The following ST8SIA5 variants were observed in gnomAD, a reference collection of about 807,000 sequenced individuals.
ST8SIA5 encodes alpha-2,8-sialyltransferase 8E.
Under a neutral mutation model 40.2 loss-of-function variants are expected in ST8SIA5, and 24 were observed. The ratio of observed to expected loss-of-function variants is 0.60; its 90% CI spans 0.43 to 0.84. The LOEUF is 0.84. Ranked by LOEUF, ST8SIA5 falls within the 40% of genes least tolerant of loss-of-function variation. ST8SIA5 has a pLI of 0.00. For missense variants in ST8SIA5, 465 were observed against 498.5 expected, an observed-to-expected ratio of 0.93 and a Z score of 0.64; for synonymous variants, 198 against 201.8, an observed-to-expected ratio of 0.98 and a Z score of 0.16.
At chr18:46,749,837 G>A (rs974457673) in intron 1 of ST8SIA5, among the ~76,000 whole-genome samples, 24 of 152,190 alleles carry the variant, frequency 1.6e-4, no homozygotes, top group South Asian at 2.1e-4. Context: ...TGGAGGCTTG[G>A]GGGGATGATT....
chr18:46,696,982 T>TA (rs2144489317), intron 2 of ST8SIA5, among the ~76,000 whole-genome samples: 1 of 151,962 alleles, frequency 6.6e-6, no homozygotes, highest in East Asian at 1.9e-4. Context: ...AGCATGGCCC[T>TA]AAAAATGAGA....
At chr18:46,711,787 G>A (rs2039735352) in intron 1 of ST8SIA5, among the ~76,000 whole-genome samples, 1 of 152,212 alleles carries the variant, frequency 6.6e-6, no homozygotes, top group Non-Finnish European at 1.5e-5. Context: ...CATGGCAGTG[G>A]AGAGCCCCGG....
At chr18:46,689,157 A>G (rs1475980148) in intron 3 of ST8SIA5, among the ~76,000 whole-genome samples, 1 of 151,656 alleles carries the variant, frequency 6.6e-6, no homozygotes, top group Admixed American at 6.6e-5. Flanking sequence ...CTTGCCCCCA[A>G]CCTACACCTC....
At chr18:46,692,017 TC>T in intron 3 of ST8SIA5, 151 bp downstream of exon 3, 1 of 715,890 alleles carries the variant, frequency 1.4e-6, no homozygotes, top group Non-Finnish European at 2.4e-6. Context: ...GAATCAGATC[TC>T]CCCCACTGCC....
rs911232421 is a variant in ST8SIA5, at chr18:46,680,210, G to A, written c.963C>T (p.Phe321=). The A allele has an allele frequency of 1.2e-6, 2 of 1,614,116 alleles. No individual in the cohort carries two copies. The highest frequency in any genetic ancestry group is 8.5e-7 in the Non-Finnish European group (1 of 1,180,042). ...CCGAGGGGTTCATGGGGAAGGCCCA[G>A]AAGCCAAAGAGGTGCACCTCCTCAC... The part of the protein sequence containing the change: ...ELCEEVHLFG[F]WAFPMNPSGL... The change falls in exon 7 of 7, where the codon TTC becomes TTT. Residue 321 remains phenylalanine, a synonymous_variant. Transcript: ENST00000315087.
At chr18:46,687,993 T>G (rs2039464670) in intron 4 of ST8SIA5, among the ~76,000 whole-genome samples, 1 of 152,094 alleles carries the variant, frequency 6.6e-6, no homozygotes, top group African/African-American at 2.4e-5. Flanking sequence ...GTGCGGTGAG[T>G]CTGCACCAAC....
rs552822815 is a variant in ST8SIA5, at chr18:46,725,865, A to G, written c.132-21201T>C. Reference sequence around the variant, plus strand: ...GCTGGGCACAGTGGCTCACGCCTGTAATCCCAGCACTTTGGTAGGCCATGG... The same window carrying G: ...GCTGGGCACAGTGGCTCACGCCTGTGATCCCAGCACTTTGGTAGGCCATGG... On this transcript the variant is annotated intron_variant, in intron 1 of 6. Transcript: ENST00000315087. 4.0e-5 allele frequency among the ~76,000 whole-genome samples: 6 copies of G among 149,980 alleles called. No homozygotes were observed. The East Asian group carries it at 1.2e-3, about 29-fold the overall frequency.
intron 1 of ST8SIA5, among the ~76,000 whole-genome samples, chr18:46,755,484 G>A (rs1171414321): frequency 6.6e-6 from 1 of 152,160 alleles, no homozygotes; most frequent in Non-Finnish European, 1.5e-5. Context: ...TGATATGGGT[G>A]TATCCTAGAG....
intron 1 of ST8SIA5, among the ~76,000 whole-genome samples, chr18:46,720,610 G>A (rs1256326436): frequency 2.0e-5 from 3 of 152,088 alleles, no homozygotes; most frequent in Admixed American, 6.5e-5. Flanking sequence ...TCAGGGAAAC[G>A]GACGTGAGAG....
Position 46,756,623 on chromosome 18 carries a change from AGGC to A in ST8SIA5, c.-118_-116del. On this transcript the variant is annotated 5_prime_UTR_variant, in exon 1 of 7. Transcript: ENST00000315087. ...TTGGCGCCTCACGGTGCGGTCAGGC[AGGC>A]GGGGGACTTCGAGGGGCAAAGTTTC... The A allele has an allele frequency of 7.8e-7, 1 of 1,284,834 alleles. No homozygotes were observed. The highest frequency in any genetic ancestry group is 1.0e-6 in the Non-Finnish European group (1 of 953,550). The allele number at this position is 1,284,834 out of a possible 1,614,324, so 79.6% of individuals were successfully genotyped here. A position where few individuals can be genotyped will look rare whatever the true frequency, so the allele number is the denominator to read the frequency against.
At position 46,756,922 on chromosome 18, in the gene ST8SIA5, C is replaced by G. The variant is rs73434915; in HGVS notation, c.-414G>C. The G allele has an allele frequency of 5.5e-6, 1 of 182,586 alleles. No homozygotes were observed. The highest frequency in any genetic ancestry group is 2.3e-3 in the Middle Eastern group (1 of 436). The allele number at this position is 182,586 out of a possible 1,614,324, so 11.3% of individuals were successfully genotyped here. A position where few individuals can be genotyped will look rare whatever the true frequency, so the allele number is the denominator to read the frequency against. ...CCGTCCCCTGTGCGCCCCAGCGCGC[C>G]GCGCATCGACCCCTCCAGTCCGGCG... On this transcript the variant is annotated 5_prime_UTR_variant, in exon 1 of 7. Transcript: ENST00000315087.
In ST8SIA5 at chr18:46,672,637, A is replaced by C. The variant is rs1273156608; in HGVS notation, c.*7405T>G. 6.7e-6 allele frequency: 1 copy of C among 149,354 alleles called. No individual in the cohort carries two copies. Among genetic ancestry groups the C allele is most frequent in the Non-Finnish European group, 1.5e-5 (1 of 67,516 alleles). 9.3% of individuals were successfully genotyped at this position (149,354 alleles called of 1,614,324 possible). A position where few individuals can be genotyped will look rare whatever the true frequency, so the allele number is the denominator to read the frequency against. ...TTGAAATAAAAAAAAAAAAAAAGAA[A>C]GGTTCTCAGAAGAGACTGTGCAGGG... On this transcript the variant is annotated 3_prime_UTR_variant, in exon 7 of 7. Transcript: ENST00000315087.
intron 5 of ST8SIA5, among the ~76,000 whole-genome samples, chr18:46,682,450 G>T (rs2039406888): frequency 6.6e-6 from 1 of 152,228 alleles, no homozygotes; most frequent in Admixed American, 6.5e-5. Context: ...AGGTCTGAAG[G>T]AGGAATTGAG....
At chr18:46,705,707 G>A (rs2039663631) in intron 1 of ST8SIA5, among the ~76,000 whole-genome samples, 1 of 152,230 alleles carries the variant, frequency 6.6e-6, no homozygotes, top group South Asian at 2.1e-4. Flanking sequence ...AGGCAGGGGT[G>A]GGTGGAGCTT....
At chr18:46,689,057 C>T (rs2039477027) in intron 3 of ST8SIA5, 138 bp from the exon 4 acceptor site, 2 of 1,085,952 alleles carry the variant, frequency 1.8e-6, no homozygotes, top group Admixed American at 3.1e-5. Flanking sequence ...CCCCACCCTG[C>T]ATGGAGCCGA....
intron 2 of ST8SIA5, among the ~76,000 whole-genome samples, chr18:46,698,820 G>C (rs1456810632): frequency 1.2e-4 from 19 of 152,200 alleles, no homozygotes; most frequent in Admixed American, 1.2e-3. Context: ...AGATGATGAA[G>C]AGAAACCCTA....
chr18:46,742,829 A>G (rs1458120631), intron 1 of ST8SIA5, among the ~76,000 whole-genome samples: 2 of 152,188 alleles, frequency 1.3e-5, no homozygotes, highest in African/African-American at 4.8e-5. Context: ...CAGACACCTC[A>G]TACAGGCGGA....
chr18:46,748,238 T>A (rs9959279), intron 1 of ST8SIA5, among the ~76,000 whole-genome samples: 69,575 of 119,674 alleles, frequency 0.58, 16,112 homozygotes, highest in Non-Finnish European at 0.62. Context: ...ATAAATAAAT[T>A]AATTAATTTA....
At chr18:46,704,071 C>G (rs1485264409) in intron 2 of ST8SIA5, among the ~76,000 whole-genome samples, 1 of 152,170 alleles carries the variant, frequency 6.6e-6, no homozygotes, top group Non-Finnish European at 1.5e-5. Context: ...ATCGTCACCT[C>G]TGGGGAGAAC....
Sources: allele counts gnomAD v4.1 joint callset (sites outside exome capture counted in the v4.1 genomes callset), GRCh38; gene constraint gnomAD v4.1.1; transcripts MANE v1.5; gene names NCBI Gene and HGNC (gene_info 2026-07-23, HGNC 2026-07-21).